Variants in PAK3 observed in about 807,000 individuals in gnomAD.
The protein encoded by PAK3 is serine/threonine-protein kinase PAK 3.
A neutral mutation model predicts 41.0 loss-of-function variants in PAK3; 4 were observed. The observed-to-expected ratio is 0.10, with a 90% CI of 0.05 to 0.22. PAK3 has a LOEUF of 0.22. Ranked by LOEUF, PAK3 falls within the 10% of genes least tolerant of loss-of-function variation. The probability of loss-of-function intolerance (pLI) is 1.00; values close to 1 mark genes in which losing one functional copy is unlikely to be tolerated. For synonymous variants in PAK3, 146 were observed against 139.6 expected (o/e 1.05, Z -0.32); for missense variants, 205 against 409.9 (o/e 0.50, Z 4.32).
intron 1 of PAK3, among the ~76,000 whole-genome samples, chrX:111,051,532 GT>G (rs1448202097): frequency 9.0e-6 from 1 of 111,699 alleles, no homozygotes; most frequent in African/African-American, 3.3e-5. Flanking sequence ...ATTTCGAGAT[GT>G]TTTTTCTCCT....
chrX:110,956,639 G>A (rs1447908581), intron 1 of PAK3, among the ~76,000 whole-genome samples: 1 of 111,341 alleles, frequency 9.0e-6, no homozygotes, highest in African/African-American at 3.3e-5. Flanking sequence ...ACCAAAATGG[G>A]AACAAAGCAG....
At chrX:110,964,055 A>G (rs1369647202) in intron 1 of PAK3, among the ~76,000 whole-genome samples, 1 of 111,662 alleles carries the variant, frequency 9.0e-6, no homozygotes. Context: ...TTGAAACATG[A>G]CCACATGCCA....
intron 11 of PAK3, among the ~76,000 whole-genome samples, chrX:111,188,202 C>CA (rs374293493): frequency 4.4e-4 from 45 of 102,339 alleles, no homozygotes; most frequent in South Asian, 2.7e-3. Flanking sequence ...TGCTGGAGGA[C>CA]AAAAAAAAAC....
At chrX:111,094,388 G>A (rs1046939414), upstream of PAK3, among the ~76,000 whole-genome samples, 4 of 111,155 alleles carry the variant, frequency 3.6e-5, no homozygotes, top group Non-Finnish European at 7.5e-5. Flanking sequence ...GACTCATTTC[G>A]ATACAAATCC....
intron 1 of PAK3, chrX:110,944,707 G>C (rs1043423722): frequency 8.9e-6 from 1 of 112,392 alleles, no homozygotes. Flanking sequence ...GCACGGGGCG[G>C]GAGGGATGGT....
intron 11 of PAK3, among the ~76,000 whole-genome samples, chrX:111,186,583 T>C (rs1187704111): frequency 9.0e-6 from 1 of 111,534 alleles, no homozygotes; most frequent in East Asian, 2.8e-4. Context: ...ACAAGGGATG[T>C]GAATGACCTC....
intron 1 of PAK3, among the ~76,000 whole-genome samples, chrX:111,040,957 C>T (rs1032653452): frequency 7.1e-5 from 8 of 111,927 alleles, no homozygotes; most frequent in Non-Finnish European, 1.3e-4. Context: ...GGCACTGTGG[C>T]TTTAAAAGGT....
intron 11 of PAK3, among the ~76,000 whole-genome samples, chrX:111,179,442 G>A (rs966454012): frequency 1.8e-5 from 2 of 110,843 alleles, no homozygotes; most frequent in African/African-American, 6.5e-5. Flanking sequence ...ATTACAAATT[G>A]TCATACTTAC....
chrX:110,948,087 A>AT (rs1349141542), intron 1 of PAK3, among the ~76,000 whole-genome samples: 2 of 111,994 alleles, frequency 1.8e-5, no homozygotes, highest in Non-Finnish European at 3.8e-5. Context: ...AGACTGCCTC[A>AT]TTTCTCTGCT....
chrX:111,179,354 T>C (rs2094441857), intron 11 of PAK3, among the ~76,000 whole-genome samples: 1 of 110,756 alleles, frequency 9.0e-6, no homozygotes, highest in Admixed American at 9.7e-5. Flanking sequence ...TATTGTTTTT[T>C]GAATTTGTCC....
Position 111,047,912 on chromosome X carries a change from A to G in PAK3, c.-27-75165A>G, listed in dbSNP as rs1250890803. Reference sequence around the variant, plus strand: ...AGTGGCAGCCTGCTGCTTTCAAAAAACAAACAAATGAAAATCTTTTTTGGC... The same window carrying G: ...AGTGGCAGCCTGCTGCTTTCAAAAAGCAAACAAATGAAAATCTTTTTTGGC... On this transcript the variant is annotated intron_variant, in intron 1 of 14. Transcript: ENST00000425146. Among the ~76,000 whole-genome samples the G allele has an allele frequency of 2.7e-5, 3 of 111,919 alleles. No individual in the cohort carries two copies. In the East Asian group the frequency reaches 8.5e-4, roughly 32 times the overall value.
At chrX:111,013,523 G>A (rs1248039002) in intron 1 of PAK3, among the ~76,000 whole-genome samples, 1 of 111,166 alleles carries the variant, frequency 9.0e-6, no homozygotes, top group Non-Finnish European at 1.9e-5. Flanking sequence ...TTGAGCACCA[G>A]TAATGCACTA....
chrX:111,061,727 G>C (rs978542695), intron 1 of PAK3, among the ~76,000 whole-genome samples: 1 of 111,217 alleles, frequency 9.0e-6, no homozygotes, highest in Non-Finnish European at 1.9e-5. Flanking sequence ...TGTTATAAAT[G>C]ATATTTGCTT....
chrX:111,202,702 T>G (rs1193395428), intron 16 of PAK3, among the ~76,000 whole-genome samples: 1 of 111,841 alleles, frequency 8.9e-6, no homozygotes, highest in African/African-American at 3.2e-5. Context: ...AGAGTGCCCC[T>G]TTATTAACTT....
intron 8 of PAK3, among the ~76,000 whole-genome samples, chrX:111,160,567 T>C (rs1009873049): frequency 1.8e-5 from 2 of 109,100 alleles, no homozygotes; most frequent in South Asian, 3.9e-4. Flanking sequence ...CTGCACCCAT[T>C]AACTCATCAT....
chrX:111,075,641 G>A (rs915954298), intron 1 of PAK3, among the ~76,000 whole-genome samples: 2 of 112,848 alleles, frequency 1.8e-5, no homozygotes, highest in Admixed American at 1.9e-4. Flanking sequence ...GCACCAAGAG[G>A]AAATGTGAGG....
At chrX:111,217,342 C>T (rs2094890084) in intron 17 of PAK3, among the ~76,000 whole-genome samples, 1 of 111,893 alleles carries the variant, frequency 8.9e-6, no homozygotes, top group African/African-American at 3.3e-5. Context: ...CACATAGCTT[C>T]ACTGCTGGGG....
At chrX:111,105,918 C>G (rs2093251467) in intron 4 of PAK3, among the ~76,000 whole-genome samples, 1 of 112,073 alleles carries the variant, frequency 8.9e-6, no homozygotes, top group African/African-American at 3.2e-5. Context: ...TTGACTGACA[C>G]ATATATAGGC....
At chrX:111,086,702 G>A (rs553987820) in intron 1 of PAK3, among the ~76,000 whole-genome samples, 103 of 111,655 alleles carry the variant, frequency 9.2e-4, no homozygotes, top group Non-Finnish European at 1.6e-3. Flanking sequence ...GTTAGCAGGG[G>A]TTTGTGGGGG....
Sources: gnomAD v4.1 joint callset for allele counts (sites outside exome capture counted in the v4.1 genomes callset) on GRCh38, gnomAD v4.1.1 for gene constraint, MANE v1.5 for transcripts, NCBI Gene and HGNC (gene_info 2026-07-23, HGNC 2026-07-21) for gene names.